The following PHACTR3 variants were observed in gnomAD, a reference collection of about 807,000 sequenced individuals.
The protein encoded by PHACTR3 is protein phosphatase 1, regulatory subunit 123.
In PHACTR3, 16 loss-of-function variants were observed where a neutral mutation model predicts 66.8. That is an observed-to-expected ratio of 0.24 (90% CI 0.16 to 0.36). The LOEUF (loss-of-function observed/expected upper bound fraction) is 0.36. PHACTR3 is among the 10% of genes least tolerant of loss of function. PHACTR3 has a pLI of 1.00. For synonymous variants in PHACTR3, 323 were observed against 292.1 expected, an observed-to-expected ratio of 1.11 and a Z score of -1.08; for missense variants, 647 against 719.9, an observed-to-expected ratio of 0.90 and a Z score of 1.16.
intron 1 of PHACTR3, among the ~76,000 whole-genome samples, chr20:59,725,112 G>T (rs1334315361): frequency 6.6e-6 from 1 of 150,502 alleles, no homozygotes. Flanking sequence ...CCAGGTGGAT[G>T]TGAGTTCAGT....
intron 1 of PHACTR3, among the ~76,000 whole-genome samples, chr20:59,646,578 GT>G (rs2035287340): frequency 6.6e-6 from 1 of 152,140 alleles, no homozygotes; most frequent in Non-Finnish European, 1.5e-5. Flanking sequence ...TCTGGGCCCA[GT>G]GTACCCTGGG....
chr20:59,722,547 G>A (rs566623066), intron 1 of PHACTR3, among the ~76,000 whole-genome samples: 2 of 152,274 alleles, frequency 1.3e-5, no homozygotes, highest in Admixed American at 1.3e-4. Context: ...ATCCTTAATG[G>A]AGGGGTGGGA....
intron 1 of PHACTR3, among the ~76,000 whole-genome samples, chr20:59,678,637 C>T (rs146483784): frequency 1.4e-3 from 214 of 152,286 alleles, no homozygotes; most frequent in Non-Finnish European, 1.8e-3. Flanking sequence ...CAGAGCTTAC[C>T]GTGTTTTGTA....
intron 1 of PHACTR3, among the ~76,000 whole-genome samples, chr20:59,622,990 A>AAAAAAAAACAAAC (rs988332694): frequency 3.5e-5 from 5 of 141,934 alleles, no homozygotes; most frequent in African/African-American, 1.3e-4. Flanking sequence ...CCAAAAAAAA[A>AAAAAAAAACAAAC]AAAAAAAAAA....
chr20:59,778,298 G>A (rs2040604231), intron 7 of PHACTR3, among the ~76,000 whole-genome samples: 1 of 152,092 alleles, frequency 6.6e-6, no homozygotes, highest in African/African-American at 2.4e-5. Context: ...GGCACTGAAT[G>A]CCACATCCTC....
chr20:59,810,878 C>T (rs986061922), intron 8 of PHACTR3, among the ~76,000 whole-genome samples: 3 of 152,180 alleles, frequency 2.0e-5, no homozygotes, highest in Admixed American at 6.5e-5. Context: ...AGCTCCTGCA[C>T]GGTAGGTGTG....
At position 59,774,259 on chromosome 20, in the gene PHACTR3, A is replaced by G. The variant is rs780019584; in HGVS notation, c.943A>G (p.Ser315Gly). 6.3e-7 allele frequency: 1 copy of G among 1,593,126 alleles called. No individual in the cohort carries two copies. Among genetic ancestry groups the G allele is most frequent in the South Asian group, 1.1e-5 (1 of 87,532 alleles). The change falls in exon 7 of 13, where the codon AGT becomes GGT. Residue 315 changes from serine (S) to glycine (G), a missense_variant. Physicochemically the swap from Ser to Gly is moderately conservative, Grantham distance 56. This residue lies in a region of PHACTR3 where 577 missense variants were observed against 571.1 expected (regional missense o/e 1.01). Coordinates refer to ENST00000371015, the MANE Select transcript of PHACTR3 (RefSeq NM_080672.5). ...HRQDSFQGRE[S>G]KGSPKKRLDV... ...CTGGTTTAGTTTTCAAGGAAGAGAA[A>G]GTAAAGGGTCTCCAAAGAAGCGGCT...
intron 7 of PHACTR3, among the ~76,000 whole-genome samples, chr20:59,796,952 ATC>A (rs1420441437): frequency 6.6e-6 from 1 of 152,086 alleles, no homozygotes; most frequent in Non-Finnish European, 1.5e-5. Flanking sequence ...CTGTGTTTTT[ATC>A]TGTCTTCTTT....
rs1025987557 is a variant in PHACTR3, at chr20:59,703,208, G to A, written c.119-39899G>A. On this transcript the variant is annotated intron_variant, in intron 1 of 12. Coordinates refer to ENST00000371015, the MANE Select transcript of PHACTR3 (RefSeq NM_080672.5). Reference sequence around the variant, plus strand: ...CCAAGCATGAATAGCCTTTTTTTTCGGTATGGTGAATTATCTACAGTTAGG... The same window carrying A: ...CCAAGCATGAATAGCCTTTTTTTTCAGTATGGTGAATTATCTACAGTTAGG... Among the ~76,000 whole-genome samples the A allele has an allele frequency of 4.6e-5, 7 of 151,536 alleles. No homozygotes were observed. In the East Asian group the frequency reaches 7.8e-4, roughly 17 times the overall value.
intron 1 of PHACTR3, among the ~76,000 whole-genome samples, chr20:59,632,318 T>C (rs1396792024): frequency 6.6e-6 from 1 of 152,172 alleles, no homozygotes; most frequent in Non-Finnish European, 1.5e-5. Flanking sequence ...CCACGTGGAA[T>C]TGACCATCAT....
chr20:59,597,533 C>T (rs1445686142), intron 1 of PHACTR3, among the ~76,000 whole-genome samples: 2 of 152,188 alleles, frequency 1.3e-5, no homozygotes, highest in Non-Finnish European at 2.9e-5. Context: ...AACTTTGCCT[C>T]TCATTTTCCT....
intron 8 of PHACTR3, among the ~76,000 whole-genome samples, chr20:59,826,184 G>C (rs1478256664): frequency 6.8e-6 from 1 of 147,166 alleles, no homozygotes; most frequent in Non-Finnish European, 1.5e-5. Context: ...GGGGAGGAGG[G>C]AGATCAGTGG....
chr20:59,757,927 A>G (rs1245716458), intron 4 of PHACTR3, among the ~76,000 whole-genome samples: 1 of 152,194 alleles, frequency 6.6e-6, no homozygotes, highest in South Asian at 2.1e-4. Context: ...CTGTGATCAC[A>G]CCACTGCACT....
In PHACTR3 at chr20:59,736,390, G is replaced by T. The variant is rs989570250; in HGVS notation, c.119-6717G>T. On this transcript the variant is annotated intron_variant, in intron 1 of 12. Coordinates refer to ENST00000371015, the MANE Select transcript of PHACTR3 (RefSeq NM_080672.5). The surrounding 1 kb of genome is among the most constrained non-coding windows in gnomAD (Gnocchi z 4.6). ...AGACGGGGAGAGAATTCCTGGAGTG[G>T]GGGGAGGTGCTCCCATCTGTCCCTT... Among the ~76,000 whole-genome samples the T allele has an allele frequency of 6.6e-6, 1 of 152,064 alleles. No homozygotes were observed. The highest frequency in any genetic ancestry group is 1.5e-5 in the Non-Finnish European group (1 of 67,990).
At chr20:59,728,256 TG>T in intron 1 of PHACTR3, among the ~76,000 whole-genome samples, 1 of 152,202 alleles carries the variant, frequency 6.6e-6, no homozygotes, top group Non-Finnish European at 1.5e-5. Flanking sequence ...ACCATGATCT[TG>T]GGGGTCATCT....
At chr20:59,647,810 G>T (rs1425788204) in intron 1 of PHACTR3, among the ~76,000 whole-genome samples, 3 of 152,170 alleles carry the variant, frequency 2.0e-5, no homozygotes, top group Non-Finnish European at 4.4e-5. Context: ...CCCTTAATGT[G>T]CTTGTGAATC....
chr20:59,649,104 G>A (rs1400442223), intron 1 of PHACTR3, among the ~76,000 whole-genome samples: 1 of 152,256 alleles, frequency 6.6e-6, no homozygotes, highest in Non-Finnish European at 1.5e-5. Context: ...TTATTTACTT[G>A]AGCTAATTAC....
intron 1 of PHACTR3, among the ~76,000 whole-genome samples, chr20:59,657,140 G>T (rs1021536372): frequency 6.6e-6 from 1 of 151,868 alleles, no homozygotes; most frequent in Non-Finnish European, 1.5e-5. Context: ...GTGGATTCAA[G>T]TTACTGTCTT....
chr20:59,832,109 C>A (rs774995433), intron 8 of PHACTR3, among the ~76,000 whole-genome samples: 17 of 152,132 alleles, frequency 1.1e-4, no homozygotes, highest in Non-Finnish European at 2.4e-4. Context: ...TAGTTCCTGC[C>A]AGCTGGTGTT....
Sources: allele counts gnomAD v4.1 joint callset (sites outside exome capture counted in the v4.1 genomes callset), GRCh38; gene constraint gnomAD v4.1.1; regional missense constraint gnomAD v4.1.1; non-coding constraint Gnocchi (gnomAD v3.1); transcripts MANE v1.5; gene names NCBI Gene and HGNC (gene_info 2026-07-23, HGNC 2026-07-21).